The following AFF3 variants were observed in gnomAD, a reference collection of about 807,000 sequenced individuals.
AFF3 encodes AF4/FMR2 family member 3.
Under a neutral mutation model 129.7 loss-of-function variants are expected in AFF3, and 32 were observed. The observed-to-expected ratio is 0.25, with a 90% CI of 0.19 to 0.33. AFF3 has a LOEUF of 0.33. Among genes scored for constraint, AFF3 ranks in the 10% least tolerant of loss-of-function variants. The pLI is 1.00. For missense variants in AFF3, 1,373 were observed against 1,592.0 expected, an observed-to-expected ratio of 0.86 and a Z score of 2.34; for synonymous variants, 644 against 635.4, an observed-to-expected ratio of 1.01 and a Z score of -0.20.
intron 10 of AFF3, among the ~76,000 whole-genome samples, chr2:99,740,362 G>T (rs1680621606): frequency 6.6e-6 from 1 of 151,404 alleles, no homozygotes; most frequent in Non-Finnish European, 1.5e-5. Context: ...GGTATTTCTA[G>T]TTCTAGATCC....
At chr2:99,767,619 C>T (rs1225902830) in intron 8 of AFF3, among the ~76,000 whole-genome samples, 1 of 152,178 alleles carries the variant, frequency 6.6e-6, no homozygotes. Context: ...AACATAGTAA[C>T]CATTAAAGCT....
intron 7 of AFF3, among the ~76,000 whole-genome samples, chr2:99,892,884 A>G (rs1460413096): frequency 6.6e-6 from 1 of 152,132 alleles, no homozygotes; most frequent in African/African-American, 2.4e-5. Context: ...GAATAATTCT[A>G]AGATTACCTC....
At chr2:99,614,021 C>T (rs1223298983) in intron 13 of AFF3, among the ~76,000 whole-genome samples, 1 of 152,150 alleles carries the variant, frequency 6.6e-6, no homozygotes, top group African/African-American at 2.4e-5. Context: ...CCTCAGTGGT[C>T]AGCAGCTTCA....
At chr2:99,855,512 C>T (rs1054454673) in intron 7 of AFF3, among the ~76,000 whole-genome samples, 2 of 151,774 alleles carry the variant, frequency 1.3e-5, no homozygotes, top group African/African-American at 2.4e-5. Context: ...GGACAGATAG[C>T]CAATAGAAAG....
chr2:99,751,278 A>G (rs1681631173), intron 9 of AFF3, among the ~76,000 whole-genome samples: 1 of 152,080 alleles, frequency 6.6e-6, no homozygotes, highest in Non-Finnish European at 1.5e-5. Flanking sequence ...TTTTTAGTAG[A>G]GATTGGGTTT....
At chr2:100,024,087 C>A (rs1438569457) in intron 4 of AFF3, among the ~76,000 whole-genome samples, 2 of 151,616 alleles carry the variant, frequency 1.3e-5, no homozygotes, top group African/African-American at 2.4e-5. Flanking sequence ...CAAAAATTAG[C>A]CGGGCGTGGT....
At chr2:99,847,344 T>C (rs1332427688) in intron 7 of AFF3, among the ~76,000 whole-genome samples, 2 of 151,612 alleles carry the variant, frequency 1.3e-5, no homozygotes, top group African/African-American at 4.8e-5. Flanking sequence ...CCCAGATAAT[T>C]TTTGTATTTT....
At chr2:100,007,740 C>T (rs539452086) in intron 5 of AFF3, 26 of 423,384 alleles carry the variant, frequency 6.1e-5, no homozygotes, top group Non-Finnish European at 9.0e-5. Context: ...TTTGGGAGGC[C>T]GAGGTGGGCG....
chr2:100,014,878 G>A (rs1456281077), intron 4 of AFF3, among the ~76,000 whole-genome samples: 1 of 148,340 alleles, frequency 6.7e-6, no homozygotes, highest in East Asian at 1.9e-4. Context: ...CCGCCTCCCA[G>A]GTTCAAGTGA....
intron 11 of AFF3, among the ~76,000 whole-genome samples, chr2:99,699,232 G>A (rs1005904680): frequency 5.9e-5 from 9 of 152,206 alleles, no homozygotes; most frequent in Non-Finnish European, 1.3e-4. Flanking sequence ...GTTGGAAGCT[G>A]TGCCTCTCCA....
chr2:99,606,552 GT>G (rs1032859381), intron 13 of AFF3, among the ~76,000 whole-genome samples: 18 of 151,740 alleles, frequency 1.2e-4, no homozygotes, highest in Non-Finnish European at 2.2e-4. Flanking sequence ...GGGTTAATGA[GT>G]TTTTTTTTTA....
At chr2:99,994,278 G>A (rs1488172102) in intron 7 of AFF3, among the ~76,000 whole-genome samples, 2 of 152,094 alleles carry the variant, frequency 1.3e-5, no homozygotes, top group Non-Finnish European at 2.9e-5. Flanking sequence ...TGATCTATAA[G>A]AGCAAACAGA....
At chr2:99,799,764 C>A (rs1436247521) in intron 8 of AFF3, among the ~76,000 whole-genome samples, 1 of 151,978 alleles carries the variant, frequency 6.6e-6, no homozygotes, top group Non-Finnish European at 1.5e-5. Context: ...TAAGGACTGA[C>A]AAGAACCAAA....
At chr2:99,636,632 C>T (rs1430933831) in intron 13 of AFF3, among the ~76,000 whole-genome samples, 1 of 152,150 alleles carries the variant, frequency 6.6e-6, no homozygotes, top group African/African-American at 2.4e-5. Flanking sequence ...AACAGGCATG[C>T]AGATGGCTGG....
chr2:99,736,763 C>T (rs1369069497), intron 10 of AFF3, among the ~76,000 whole-genome samples: 2 of 152,052 alleles, frequency 1.3e-5, no homozygotes, highest in Non-Finnish European at 2.9e-5. Context: ...GCATACGCCA[C>T]CACGCCCGGC....
At chr2:100,001,141 G>T (rs953628202) in intron 7 of AFF3, among the ~76,000 whole-genome samples, 1 of 152,186 alleles carries the variant, frequency 6.6e-6, no homozygotes, top group Admixed American at 6.5e-5. Flanking sequence ...TACGAGAACT[G>T]AGAAAGTATG....
At chr2:99,563,229 C>T (rs535051780) in intron 20 of AFF3, among the ~76,000 whole-genome samples, 177 of 151,324 alleles carry the variant, frequency 1.2e-3, no homozygotes, top group African/African-American at 3.9e-3. Flanking sequence ...CTCGCTCTGT[C>T]GCCCAGGCTG....
At chr2:100,056,053 T>C (rs1435408169) in intron 4 of AFF3, among the ~76,000 whole-genome samples, 11 of 87,464 alleles carry the variant, frequency 1.3e-4, no homozygotes, top group African/African-American at 6.1e-4. Context: ...AAAAAATCGC[T>C]GTCTCTCTCT....
intron 11 of AFF3, among the ~76,000 whole-genome samples, chr2:99,695,987 A>C (rs1340421284): frequency 6.0e-5 from 9 of 151,110 alleles, no homozygotes; most frequent in South Asian, 2.1e-4. Flanking sequence ...AAAAAAAAAA[A>C]ACTAAAAACA....
Sources: allele counts gnomAD v4.1 joint callset (sites outside exome capture counted in the v4.1 genomes callset), GRCh38; gene constraint gnomAD v4.1.1; transcripts MANE v1.5; gene names NCBI Gene and HGNC (gene_info 2026-07-23, HGNC 2026-07-21).